The following PROSER1 variants were observed in gnomAD, a reference collection of about 807,000 sequenced individuals.
The protein encoded by PROSER1 is proline and serine rich 1, also known as proline and serine-rich protein 1.
PROSER1 carries 36 observed loss-of-function variants against 71.8 expected under a neutral mutation model. The ratio of observed to expected loss-of-function variants is 0.50; its 90% CI spans 0.38 to 0.66. The LOEUF (loss-of-function observed/expected upper bound fraction) is 0.66, where lower values mean the gene tolerates loss of function less well. Ranked by LOEUF, PROSER1 falls within the 30% of genes least tolerant of loss-of-function variation. The pLI is 0.00. For synonymous variants in PROSER1, 490 were observed against 452.4 expected, an observed-to-expected ratio of 1.08 and a Z score of -1.06; for missense variants, 1,107 against 1,135.0, an observed-to-expected ratio of 0.98 and a Z score of 0.35.
intron 5 of PROSER1, among the ~76,000 whole-genome samples, chr13:39,027,443 A>G (rs528535048): frequency 3.9e-5 from 6 of 152,300 alleles, no homozygotes; most frequent in African/African-American, 1.2e-4. Flanking sequence ...GGCCCAGAAT[A>G]TTTCTGAGAA....
chr13:39,034,946 A>G (rs1244059918), intron 1 of PROSER1, among the ~76,000 whole-genome samples: 1 of 152,234 alleles, frequency 6.6e-6, no homozygotes, highest in Non-Finnish European at 1.5e-5. Flanking sequence ...AGCACTATCT[A>G]GAGCCCACTA....
At chr13:39,019,385 G>A (rs1409983968) in intron 9 of PROSER1, among the ~76,000 whole-genome samples, 3 of 150,816 alleles carry the variant, frequency 2.0e-5, no homozygotes, top group Non-Finnish European at 4.4e-5. Context: ...AGGCATGGTG[G>A]TATGCCTGTA....
intron 9 of PROSER1, among the ~76,000 whole-genome samples, chr13:39,018,984 T>A (rs1301188594): frequency 2.0e-5 from 3 of 152,142 alleles, no homozygotes; most frequent in Non-Finnish European, 4.4e-5. Flanking sequence ...TAAAGAAAAT[T>A]ATCTGGAATT....
At chr13:39,027,802 T>G (rs1373728595) in intron 5 of PROSER1, among the ~76,000 whole-genome samples, 1 of 152,226 alleles carries the variant, frequency 6.6e-6, no homozygotes, top group Non-Finnish European at 1.5e-5. Flanking sequence ...TCTTACAGAT[T>G]TTTAACTAAT....
chr13:39,028,470 A>G (rs935993360), intron 4 of PROSER1, 150 bp from the exon 5 acceptor site: 2 of 462,820 alleles, frequency 4.3e-6, no homozygotes, highest in Admixed American at 3.7e-5. Context: ...AGCTCAATTT[A>G]AATAACATGT....
chr13:39,021,599 T>A (rs1870294459), intron 9 of PROSER1, among the ~76,000 whole-genome samples: 2 of 152,180 alleles, frequency 1.3e-5, no homozygotes, highest in Admixed American at 6.5e-5. Context: ...GGTATTTTTT[T>A]AAAAGTGCTC....
chr13:39,010,050 C>T lies in PROSER1; in HGVS notation c.*1315G>A, dbSNP rs1593521587. 1 of 143,474 alleles carries T rather than the reference C, an allele frequency of 7.0e-6. No homozygotes were observed. The highest frequency in any genetic ancestry group is 1.5e-5 in the Non-Finnish European group (1 of 67,110). 8.9% of individuals were successfully genotyped at this position (143,474 alleles called of 1,614,324 possible). A position where few individuals can be genotyped will look rare whatever the true frequency, so the allele number is the denominator to read the frequency against. ...ACGAATGAGCAATCAGTAGTATAAA[C>T]AGAGTTACAACTAAATTTGGATAAA... On this transcript the variant is annotated 3_prime_UTR_variant, in exon 13 of 13. Coordinates refer to ENST00000352251, the MANE Select transcript of PROSER1 (RefSeq NM_025138.5).
At chr13:39,026,145 CTT>C (rs1206396443) in intron 6 of PROSER1, 130 bp downstream of exon 6, 15 of 579,376 alleles carry the variant, frequency 2.6e-5, no homozygotes, top group African/African-American at 1.9e-4. Context: ...TAGACATGAA[CTT>C]TCAATCAGTG....
rs1593526413 is a variant in PROSER1, at chr13:39,013,890, A to G, written c.1362T>C (p.Ser454=). 1.9e-6 allele frequency: 3 copies of G among 1,614,232 alleles called. No homozygotes were observed. The South Asian group carries it at 3.3e-5, about 18-fold the overall frequency. Residue 454 remains serine (S), a synonymous_variant, in exon 11 of 13, where the codon TCT becomes TCC. Transcript: ENST00000352251. The part of the protein sequence containing the change: ...SNPTPVIAGG[S]TPSVAGPLGV... The stretch of plus-strand genomic sequence containing the variant: ...CAAGTGGACCGGCAACGCTGGGAGT[A>G]GAGCCACCAGCAATTACAGGAGTCG...
At chr13:39,011,991 G>T in intron 12 of PROSER1, 92 bp downstream of exon 12, 9 of 1,318,756 alleles carry the variant, frequency 6.8e-6, no homozygotes, top group Admixed American at 4.5e-5. Flanking sequence ...TTTTGCCAAT[G>T]TTGGGATATC....
At chr13:39,029,194 A>C in intron 4 of PROSER1, 87 bp downstream of exon 4, 1 of 695,034 alleles carries the variant, frequency 1.4e-6, no homozygotes, top group Non-Finnish European at 2.4e-6. Context: ...TTTGTTAGAC[A>C]CATTAACACA....
At chr13:39,023,180 TC>T (rs778105417) in intron 7 of PROSER1, 50 bp from the exon 8 acceptor site, 1 of 1,385,708 alleles carries the variant, frequency 7.2e-7, no homozygotes, top group Admixed American at 1.7e-5. Flanking sequence ...AAGTAAGCTG[TC>T]TCCTGGCAAC....
intron 2 of PROSER1, 84 bp downstream of exon 2, chr13:39,034,047 A>T: frequency 1.0e-6 from 1 of 978,686 alleles, no homozygotes; most frequent in Non-Finnish European, 1.5e-6. Context: ...GGTAAAACCA[A>T]TTCTGAATTC....
In PROSER1 at chr13:39,014,214, A is replaced by G. The variant is rs764691440; in HGVS notation, c.1038T>C (p.Pro346=). 28 of 1,614,062 alleles carry G rather than the reference A, an allele frequency of 1.7e-5. No individual in the cohort carries two copies. Among genetic ancestry groups the G allele is most frequent in the Middle Eastern group, 1.6e-4 (1 of 6,084 alleles). ...VIRTPSLPTA[P]VTSIHSTTTT... is the part of the protein sequence containing the mutation. ...TGGTTGTACTGTGGATGGATGTAAC[A>G]GGTGCAGTGGGCAATGAAGGGGTTC... Residue 346 remains proline (P), a synonymous_variant, in exon 11 of 13, where the codon CCT becomes CCC. Transcript: ENST00000352251.
rs372785628 is a variant in PROSER1 at position 39,026,290 on chromosome 13, T to C, written c.467A>G (p.Asn156Ser). The change falls in exon 6 of 13, where the codon AAT becomes AGT. Residue 156 changes from asparagine to serine, a missense_variant. Coordinates refer to ENST00000352251, the MANE Select transcript of PROSER1 (RefSeq NM_025138.5). ...PYPKGRPSRINGIFPGTPLKK... is the reference protein window; with the variant it reads ...PYPKGRPSRISGIFPGTPLKK... ...AAGTATGCTTACTGGGAAAATTCCA[T>C]TTATGCGGCTAGGTCTTCCTTTGGG... 7 of 1,609,634 alleles carry C rather than the reference T, an allele frequency of 4.3e-6. No individual in the cohort carries two copies. The African/African-American group carries it at 9.4e-5, about 22-fold the overall frequency.
rs771452207 is a variant in PROSER1, at chr13:39,031,543, G to A, written c.180+20C>T. The stretch of plus-strand genomic sequence containing the variant: ...AAATACTTAAATTCTACGTTCTGAA[G>A]GAAAAAATAAGTTACTTACATGCTG... On this transcript the variant is annotated intron_variant, in intron 3 of 12. Coordinates refer to ENST00000352251, the MANE Select transcript of PROSER1 (RefSeq NM_025138.5). The A allele has an allele frequency of 6.4e-7, 1 of 1,557,090 alleles. No homozygotes were observed. Among genetic ancestry groups the A allele is most frequent in the Non-Finnish European group, 8.8e-7 (1 of 1,138,606 alleles).
intron 7 of PROSER1, among the ~76,000 whole-genome samples, chr13:39,024,206 A>T (rs186380418): frequency 3.0e-4 from 46 of 152,330 alleles, no homozygotes; most frequent in Non-Finnish European, 4.3e-4. Context: ...CACACTCCGT[A>T]TCTCCAACTG....
intron 7 of PROSER1, chr13:39,023,521 T>A (rs1870401527): frequency 1.2e-5 from 2 of 163,892 alleles, no homozygotes; most frequent in South Asian, 3.4e-4. Flanking sequence ...GAACTCCCAA[T>A]GGCAACATCC....
intron 7 of PROSER1, 31 bp downstream of exon 7, chr13:39,024,442 T>C (rs777859980): frequency 1.6e-5 from 24 of 1,489,488 alleles, no homozygotes; most frequent in African/African-American, 7.0e-5. Flanking sequence ...AGGAAGGAGT[T>C]TGGGCTTGTT....
Sources: allele counts gnomAD v4.1 joint callset (sites outside exome capture counted in the v4.1 genomes callset), GRCh38; gene constraint gnomAD v4.1.1; transcripts MANE v1.5; gene names NCBI Gene and HGNC (gene_info 2026-07-23, HGNC 2026-07-21).